DCC: variants seen among roughly 807,000 people sequenced by gnomAD.
DCC encodes netrin receptor DCC.
In DCC, 58 loss-of-function variants were observed where a neutral mutation model predicts 172.5. The observed-to-expected ratio is 0.34, with a 90% CI of 0.27 to 0.42. DCC has a LOEUF of 0.42. DCC is among the 10% of genes least tolerant of loss of function. The probability of loss-of-function intolerance (pLI) is 1.00; values close to 1 mark genes in which losing one functional copy is unlikely to be tolerated. For missense variants in DCC, 1,740 were observed against 1,791.0 expected, an observed-to-expected ratio of 0.97 and a Z score of 0.51; for synonymous variants, 709 against 644.5, an observed-to-expected ratio of 1.10 and a Z score of -1.52.
chr18:52,381,552 G>A (rs1327658846), intron 1 of DCC, among the ~76,000 whole-genome samples: 4 of 152,050 alleles, frequency 2.6e-5, no homozygotes, highest in Non-Finnish European at 5.9e-5. Context: ...CCTATGTTAT[G>A]TACTCAATAT....
At chr18:52,506,253 T>A (rs1185933568) in intron 1 of DCC, among the ~76,000 whole-genome samples, 2 of 152,162 alleles carry the variant, frequency 1.3e-5, no homozygotes, top group Non-Finnish European at 2.9e-5. Flanking sequence ...AATTTGGAAA[T>A]ATCAGCTATA....
intron 1 of DCC, among the ~76,000 whole-genome samples, chr18:52,529,282 G>T (rs1289651547): frequency 1.3e-5 from 2 of 152,128 alleles, no homozygotes; most frequent in Admixed American, 1.3e-4. Flanking sequence ...TGTGTTTTTT[G>T]GTTTGTTTGT....
intron 2 of DCC, among the ~76,000 whole-genome samples, chr18:52,851,193 T>C (rs1312530481): frequency 6.6e-6 from 1 of 152,076 alleles, no homozygotes; most frequent in East Asian, 1.9e-4. Flanking sequence ...ACTTACAATA[T>C]TTTTAGCTCT....
chr18:53,486,767 A>C (rs1395472976), intron 25 of DCC, 30 bp from the exon 26 acceptor site: 1 of 1,614,010 alleles, frequency 6.2e-7, no homozygotes, highest in Non-Finnish European at 8.5e-7. Context: ...CATAAGGTTC[A>C]AAAAACCCAT....
chr18:53,073,385 C>T (rs1009016800), intron 7 of DCC, among the ~76,000 whole-genome samples: 9 of 151,920 alleles, frequency 5.9e-5, no homozygotes, highest in Non-Finnish European at 1.0e-4. Flanking sequence ...GTTAGCCGGG[C>T]GTGGTGGCGG....
chr18:52,591,478 T>G (rs930709042), intron 1 of DCC, among the ~76,000 whole-genome samples: 2 of 152,198 alleles, frequency 1.3e-5, no homozygotes, highest in African/African-American at 4.8e-5. Context: ...CTTTCCACTT[T>G]TAAGTGTGAG....
intron 21 of DCC, among the ~76,000 whole-genome samples, chr18:53,434,591 C>T (rs1424345425): frequency 5.3e-5 from 8 of 152,116 alleles, no homozygotes; most frequent in Non-Finnish European, 8.8e-5. Flanking sequence ...AATATTCAGA[C>T]CATATGGTTT....
chr18:53,267,209 C>T (rs1425526282), intron 12 of DCC, among the ~76,000 whole-genome samples: 3 of 151,828 alleles, frequency 2.0e-5, no homozygotes, highest in African/African-American at 4.8e-5. Context: ...TAGACACAGA[C>T]ACAGTCTTGC....
chr18:52,755,222 T>A (rs967340855), intron 2 of DCC, among the ~76,000 whole-genome samples: 3 of 152,192 alleles, frequency 2.0e-5, no homozygotes, highest in African/African-American at 7.2e-5. Flanking sequence ...CTGATTTGAA[T>A]GAAGCAGGCT....
At chr18:52,435,288 T>TGTGTGTGTGTGCAC (rs1387641498) in intron 1 of DCC, among the ~76,000 whole-genome samples, 4 of 148,660 alleles carry the variant, frequency 2.7e-5, no homozygotes, top group African/African-American at 7.4e-5. Flanking sequence ...CTCTTGCCTG[T>TGTGTGTGTGTGCAC]GTGTGTGTGT....
At chr18:53,213,855 T>G (rs946324691) in intron 11 of DCC, among the ~76,000 whole-genome samples, 1 of 149,960 alleles carries the variant, frequency 6.7e-6, no homozygotes, top group Non-Finnish European at 1.5e-5. Context: ...ACGTTTAGAA[T>G]AGATTAAATA....
At chr18:53,345,355 A>G (rs1377832017) in intron 15 of DCC, among the ~76,000 whole-genome samples, 1 of 152,164 alleles carries the variant, frequency 6.6e-6, no homozygotes. Context: ...CACATCATAT[A>G]AAACATAGAA....
Position 53,534,204 on chromosome 18 carries a change from A to G in DCC, c.*3551A>G, listed in dbSNP as rs887890622. The G allele has an allele frequency of 7.9e-5, 12 of 152,236 alleles. No homozygotes were observed. Among genetic ancestry groups the G allele is most frequent in the Non-Finnish European group, 1.5e-4 (10 of 68,046 alleles). The allele number at this position is 152,236 out of a possible 1,614,324, so 9.4% of individuals were successfully genotyped here. A position where few individuals can be genotyped will look rare whatever the true frequency, so the allele number is the denominator to read the frequency against. ...TAAAGATAACATCTTACCATTTTAG[A>G]TAAAATTGTGTCCCAGAATTCTTAT... On this transcript the variant is annotated 3_prime_UTR_variant, in exon 29 of 29. Transcript: ENST00000442544.
intron 2 of DCC, among the ~76,000 whole-genome samples, chr18:52,841,593 G>A (rs1317724723): frequency 1.3e-5 from 2 of 152,150 alleles, no homozygotes. Context: ...GAAGTAGTGA[G>A]ATTCAGGACC....
At chr18:53,073,408 C>T (rs564390106) in intron 7 of DCC, among the ~76,000 whole-genome samples, 59 of 152,078 alleles carry the variant, frequency 3.9e-4, no homozygotes, top group Non-Finnish European at 6.2e-4. Flanking sequence ...GCCTATAGTC[C>T]CAGCTACTTG....
chr18:53,310,762 G>T (rs548046518), intron 13 of DCC, among the ~76,000 whole-genome samples: 1 of 152,040 alleles, frequency 6.6e-6, no homozygotes, highest in East Asian at 1.9e-4. Flanking sequence ...TTTATAACAG[G>T]GCTAACATTG....
intron 3 of DCC, among the ~76,000 whole-genome samples, chr18:52,913,297 T>C (rs1277341735): frequency 6.6e-6 from 1 of 152,120 alleles, no homozygotes; most frequent in Non-Finnish European, 1.5e-5. Flanking sequence ...AAGCCTAACC[T>C]GACTTACTGT....
rs545998431 is a variant in DCC, at chr18:52,501,451, GA to G, written c.91+160575del. 1.7e-3 allele frequency among the ~76,000 whole-genome samples: 256 copies of G among 152,266 alleles called. No homozygotes were observed. The Middle Eastern group carries it at 0.017, about 10-fold the overall frequency. On this transcript the variant is annotated intron_variant, in intron 1 of 28. Transcript: ENST00000442544. ...TGCCTTTACGTTGTCTCTCTAAGCA[GA>G]AGTTTATGCCATAAAGGTAATGTGA...
intron 22 of DCC, among the ~76,000 whole-genome samples, chr18:53,439,763 A>ATTTTTTTTTTTT (rs1912149119): frequency 8.9e-6 from 1 of 112,402 alleles, no homozygotes; most frequent in Non-Finnish European, 2.2e-5. Context: ...ATGTAGTAGT[A>ATTTTTTTTTTTT]TTTTTCTTTT....
Sources: allele counts gnomAD v4.1 joint callset (sites outside exome capture counted in the v4.1 genomes callset), GRCh38; gene constraint gnomAD v4.1.1; transcripts MANE v1.5; gene names NCBI Gene and HGNC (gene_info 2026-07-23, HGNC 2026-07-21).